The following CDH12 variants were observed in gnomAD, a reference collection of about 807,000 sequenced individuals.
CDH12 encodes cadherin 12.
In CDH12, 41 loss-of-function variants were observed where a neutral mutation model predicts 74.1. The observed-to-expected ratio is 0.55, with a 90% CI of 0.43 to 0.72. The LOEUF is 0.72. CDH12 is among the 30% of genes least tolerant of loss of function. The pLI is 0.00. For missense variants in CDH12, 945 were observed against 977.2 expected (o/e 0.97, Z 0.44); for synonymous variants, 399 against 355.0 (o/e 1.12, Z -1.39).
At chr5:21,793,064 T>C (rs544878465) in intron 10 of CDH12, among the ~76,000 whole-genome samples, 161 of 151,744 alleles carry the variant, frequency 1.1e-3, no homozygotes, top group Non-Finnish European at 1.9e-3. Flanking sequence ...GGTTGTCAGA[T>C]CATTTCAATT....
chr5:22,016,110 T>G (rs557480140), intron 5 of CDH12, among the ~76,000 whole-genome samples: 1 of 152,264 alleles, frequency 6.6e-6, no homozygotes, highest in African/African-American at 2.4e-5. Context: ...TTAACACTAT[T>G]GTTTTGAAAT....
chr5:21,930,630 T>C (rs1754792184), intron 6 of CDH12, among the ~76,000 whole-genome samples: 1 of 152,162 alleles, frequency 6.6e-6, no homozygotes, highest in Admixed American at 6.6e-5. Flanking sequence ...GAATATTAAC[T>C]CCCATCCCTA....
At chr5:21,813,090 C>T (rs1443403382) in intron 9 of CDH12, among the ~76,000 whole-genome samples, 1 of 152,120 alleles carries the variant, frequency 6.6e-6, no homozygotes, top group African/African-American at 2.4e-5. Context: ...CTATCTGTTT[C>T]CCGGTTTACT....
intron 4 of CDH12, among the ~76,000 whole-genome samples, chr5:22,086,672 A>T (rs1743089462): frequency 6.7e-6 from 1 of 150,180 alleles, no homozygotes; most frequent in Non-Finnish European, 1.5e-5. Context: ...TTTAACTGAT[A>T]TGAAAATGGC....
intron 1 of CDH12, among the ~76,000 whole-genome samples, chr5:22,680,147 T>C (rs1741417442): frequency 6.6e-6 from 1 of 152,232 alleles, no homozygotes; most frequent in East Asian, 1.9e-4. Context: ...ATTGTTTCTC[T>C]ATTGGCTTGG....
chr5:22,152,527 T>A (rs1747664153), intron 4 of CDH12, among the ~76,000 whole-genome samples: 1 of 152,148 alleles, frequency 6.6e-6, no homozygotes, highest in South Asian at 2.1e-4. Context: ...TTTATGTATT[T>A]ACCACGTACA....
intron 3 of CDH12, among the ~76,000 whole-genome samples, chr5:22,301,988 TA>T (rs1187821304): frequency 2.1e-5 from 3 of 145,424 alleles, no homozygotes; most frequent in African/African-American, 7.5e-5. Flanking sequence ...TATAAAAACA[TA>T]TAGGTACATA....
intron 2 of CDH12, among the ~76,000 whole-genome samples, chr5:22,458,253 C>T (rs145608098): frequency 1.3e-3 from 198 of 152,250 alleles, no homozygotes; most frequent in African/African-American, 4.1e-3. Context: ...TGCATAACTC[C>T]AATTTCTGTC....
rs537772670 is a variant in CDH12, at chr5:22,658,339, A to G, written c.-522-152975T>C. On this transcript the variant is annotated intron_variant, in intron 1 of 14. Coordinates refer to ENST00000382254, the MANE Select transcript of CDH12 (RefSeq NM_004061.5). ...ATTAGGTGTTTTGAACGACTGTGAT[A>G]AAGCAAACATAACTTATCTGTATAT... is the stretch of plus-strand genomic sequence containing the variant. Among the ~76,000 whole-genome samples, 7 of 152,274 alleles carry G rather than the reference A, an allele frequency of 4.6e-5. No homozygotes were observed. In the East Asian group the frequency reaches 1.3e-3, roughly 29 times the overall value.
intron 3 of CDH12, among the ~76,000 whole-genome samples, chr5:22,332,017 A>T (rs1434599312): frequency 6.6e-6 from 1 of 152,208 alleles, no homozygotes; most frequent in Admixed American, 6.5e-5. Context: ...GATCTATAAA[A>T]TAACTTCAAA....
intron 4 of CDH12, among the ~76,000 whole-genome samples, chr5:22,157,561 C>T (rs1215575550): frequency 6.7e-6 from 1 of 150,048 alleles, no homozygotes; most frequent in Non-Finnish European, 1.5e-5. Flanking sequence ...AGAAGATAGA[C>T]ATTTAGCTTA....
chr5:22,288,949 C>T (rs1010226400), intron 3 of CDH12, among the ~76,000 whole-genome samples: 4 of 151,926 alleles, frequency 2.6e-5, no homozygotes. Flanking sequence ...AAGGCTAAGG[C>T]GAAAGGATTG....
chr5:21,791,497 A>C (rs10074824), intron 10 of CDH12, among the ~76,000 whole-genome samples: 3,172 of 152,074 alleles, frequency 0.021, 99 homozygotes, highest in African/African-American at 0.071. Flanking sequence ...TATAACATGA[A>C]CTGTGTAATT....
intron 1 of CDH12, among the ~76,000 whole-genome samples, chr5:22,785,348 T>G (rs552283041): frequency 6.6e-6 from 1 of 152,196 alleles, no homozygotes; most frequent in Non-Finnish European, 1.5e-5. Context: ...TTCTTGATTC[T>G]GATGTAAATC....
At chr5:22,305,299 C>G (rs1458226382) in intron 3 of CDH12, among the ~76,000 whole-genome samples, 1 of 152,174 alleles carries the variant, frequency 6.6e-6, no homozygotes, top group Admixed American at 6.5e-5. Flanking sequence ...ACACTGTCCT[C>G]TTTGCTGTTT....
intron 1 of CDH12, among the ~76,000 whole-genome samples, chr5:22,621,464 C>T (rs1737969538): frequency 6.6e-6 from 1 of 151,504 alleles, no homozygotes; most frequent in African/African-American, 2.4e-5. Context: ...ACTGAGCTTC[C>T]AACCTGAAAA....
chr5:22,342,225 G>A (rs1378268269), intron 3 of CDH12, among the ~76,000 whole-genome samples: 1 of 152,138 alleles, frequency 6.6e-6, no homozygotes, highest in Admixed American at 6.5e-5. Context: ...GGGGATAAGG[G>A]TTTCAACACA....
At chr5:22,335,386 C>T (rs1561322320) in intron 3 of CDH12, among the ~76,000 whole-genome samples, 1 of 152,020 alleles carries the variant, frequency 6.6e-6, no homozygotes, top group Non-Finnish European at 1.5e-5. Flanking sequence ...GAGATCGAGA[C>T]CATCCTGGCT....
intron 1 of CDH12, among the ~76,000 whole-genome samples, chr5:22,745,112 A>C (rs73742197): frequency 0.017 from 2,542 of 152,006 alleles, 76 homozygotes; most frequent in African/African-American, 0.058. Flanking sequence ...CCACAATGAA[A>C]CATTCTTGTT....
Sources: allele counts gnomAD v4.1 joint callset (sites outside exome capture counted in the v4.1 genomes callset), GRCh38; gene constraint gnomAD v4.1.1; transcripts MANE v1.5; gene names NCBI Gene and HGNC (gene_info 2026-07-23, HGNC 2026-07-21).